STARD13: variants seen among roughly 807,000 people sequenced by gnomAD.
STARD13 encodes the protein StAR related lipid transfer domain containing 13.
STARD13 carries 62 observed loss-of-function variants against 106.4 expected under a neutral mutation model. The observed-to-expected ratio is 0.58, with a 90% CI of 0.48 to 0.72. The LOEUF (loss-of-function observed/expected upper bound fraction) is 0.72, where lower values mean the gene tolerates loss of function less well. Ranked by LOEUF, STARD13 falls within the 30% of genes least tolerant of loss-of-function variation. The probability of loss-of-function intolerance (pLI) is 0.00; values close to 1 mark genes in which losing one functional copy is unlikely to be tolerated. For missense variants in STARD13, 1,387 were observed against 1,424.0 expected (o/e 0.97, Z 0.42); for synonymous variants, 565 against 553.0 (o/e 1.02, Z -0.31).
chr13:33,443,055 T>G, the STARD13 span, among the ~76,000 whole-genome samples: 1 of 152,054 alleles, frequency 6.6e-6, no homozygotes, highest in African/African-American at 2.4e-5. Context: ...ATCTGAATGT[T>G]CTTAATACCA....
At chr13:33,412,508 A>G in the STARD13 span, among the ~76,000 whole-genome samples, 816 of 152,312 alleles carry the variant, frequency 5.4e-3, 14 homozygotes, top group African/African-American at 0.019. Flanking sequence ...TGATCTAAAT[A>G]TACTAATTAA....
intron 3 of STARD13, among the ~76,000 whole-genome samples, chr13:33,158,069 G>A (rs1394732518): frequency 6.6e-6 from 1 of 152,176 alleles, no homozygotes; most frequent in African/African-American, 2.4e-5. Context: ...CATTTATGGA[G>A]TGTCTACTAT....
the STARD13 span, among the ~76,000 whole-genome samples, chr13:33,454,071 G>A: frequency 4.6e-5 from 7 of 152,184 alleles, no homozygotes; most frequent in African/African-American, 7.2e-5. Flanking sequence ...ACTTGTGGAG[G>A]CTATGAGAAT....
At chr13:33,546,284 A>G in the STARD13 span, among the ~76,000 whole-genome samples, 1 of 152,180 alleles carries the variant, frequency 6.6e-6, no homozygotes, top group African/African-American at 2.4e-5. Flanking sequence ...GGCAAAAAGC[A>G]TTTGTCTAAG....
the STARD13 span, among the ~76,000 whole-genome samples, chr13:33,413,657 A>C: frequency 6.6e-6 from 1 of 152,282 alleles, no homozygotes; most frequent in South Asian, 2.1e-4. Context: ...ACAAACAAAC[A>C]AACAAAATCC....
At chr13:33,510,876 CTGAGTTCACAAGCCAAATAATTGAAAT>C in the STARD13 span, among the ~76,000 whole-genome samples, 2 of 152,136 alleles carry the variant, frequency 1.3e-5, no homozygotes, top group African/African-American at 4.8e-5. Flanking sequence ...TTTTTGTGTA[CTGAGTTCACAAGCCAAATAATTGAAAT>C]TGAGTTCACA....
the STARD13 span, among the ~76,000 whole-genome samples, chr13:33,648,121 T>C: frequency 6.6e-6 from 1 of 152,158 alleles, no homozygotes; most frequent in Non-Finnish European, 1.5e-5. Context: ...CAAGCCTACA[T>C]GACAAACAAG....
rs559223209 is a variant in STARD13 at position 33,129,735 on chromosome 13, C to T, written c.942G>A (p.Ser314=). The T allele has an allele frequency of 2.2e-5, 36 of 1,614,070 alleles. No individual in the cohort carries two copies. The highest frequency in any genetic ancestry group is 3.3e-5 in the South Asian group (3 of 91,086). ...GCCCTTTTCTGCAGGCAGGTGGCGG[C>T]GAATTCTGGAGATCTCCATTTGGTA... ...IQIPNGDLQN[S]PPPACRKGLP... The change falls in exon 5 of 14, where the codon TCG becomes TCA. Residue 314 remains serine (S), a synonymous_variant. Coordinates refer to ENST00000336934, the MANE Select transcript of STARD13 (RefSeq NM_178006.4).
chr13:33,536,570 T>C, the STARD13 span, among the ~76,000 whole-genome samples: 2 of 152,212 alleles, frequency 1.3e-5, no homozygotes, highest in Non-Finnish European at 2.9e-5. Context: ...ATTAGGGATG[T>C]ATATGAGAGG....
intron 4 of STARD13, among the ~76,000 whole-genome samples, chr13:33,133,316 A>T (rs1190014734): frequency 1.3e-5 from 2 of 152,340 alleles, no homozygotes; most frequent in African/African-American, 4.8e-5. Flanking sequence ...CAACAGGAAG[A>T]TATTTACAGC....
the STARD13 span, among the ~76,000 whole-genome samples, chr13:33,459,893 T>C: frequency 6.6e-6 from 1 of 152,246 alleles, no homozygotes; most frequent in African/African-American, 2.4e-5. Context: ...GCTTGCATTG[T>C]TTCCAAAGAA....
At chr13:33,605,908 G>C in the STARD13 span, among the ~76,000 whole-genome samples, 1 of 152,154 alleles carries the variant, frequency 6.6e-6, no homozygotes, top group African/African-American at 2.4e-5. Context: ...TTAAGGACAT[G>C]GACTCTAGAG....
Position 33,295,864 on chromosome 13 carries a change from A to G in STARD13, c.124+54426T>C, listed in dbSNP as rs189499164. On this transcript the variant is annotated intron_variant, in intron 1 of 5. Transcript: ENST00000567873. ...CCATGAAGAGAAAAAAACTGCATAA[A>G]TACTTTCCTATGTGATACCCCTCCT... Among the ~76,000 whole-genome samples the G allele has an allele frequency of 3.2e-3, 493 of 152,154 alleles. 7 individuals carry two copies. The highest frequency in any genetic ancestry group is 0.026 in the Admixed American group (392 of 15,264).
chr13:33,578,310 T>C, the STARD13 span, among the ~76,000 whole-genome samples: 1 of 151,878 alleles, frequency 6.6e-6, no homozygotes, highest in South Asian at 2.1e-4. Flanking sequence ...GATAAACAGA[T>C]CAATGGAGTA....
chr13:33,379,324 C>T, the STARD13 span, among the ~76,000 whole-genome samples: 1 of 152,106 alleles, frequency 6.6e-6, no homozygotes, highest in Admixed American at 6.6e-5. Context: ...TTTTTCCTGA[C>T]ATTTGCAGAA....
the STARD13 span, among the ~76,000 whole-genome samples, chr13:33,610,756 G>C: frequency 0.061 from 9,326 of 152,232 alleles, 388 homozygotes; most frequent in East Asian, 0.12. Flanking sequence ...TTTTTCTTCC[G>C]CTGAGATCAG....
intron 3 of STARD13, among the ~76,000 whole-genome samples, chr13:33,146,116 G>C (rs1880505584): frequency 6.6e-6 from 1 of 152,192 alleles, no homozygotes; most frequent in Non-Finnish European, 1.5e-5. Context: ...CCTGAGGTGA[G>C]GAGTTCAAGA....
chr13:33,227,193 G>A (rs1247915017), intron 1 of STARD13, among the ~76,000 whole-genome samples: 1 of 152,184 alleles, frequency 6.6e-6, no homozygotes, highest in African/African-American at 2.4e-5. Flanking sequence ...AGTAACATCA[G>A]ATCTCTAGCC....
intron 1 of STARD13, among the ~76,000 whole-genome samples, chr13:33,325,983 TAA>T (rs59403273): frequency 3.1e-5 from 3 of 96,188 alleles, no homozygotes; most frequent in Admixed American, 1.4e-4. Flanking sequence ...AGACTCCGTT[TAA>T]AAAAAAAAAA....
Sources: allele counts gnomAD v4.1 joint callset (sites outside exome capture counted in the v4.1 genomes callset), GRCh38; gene constraint gnomAD v4.1.1; transcripts MANE v1.5; gene names NCBI Gene and HGNC (gene_info 2026-07-23, HGNC 2026-07-21).